The following DNER variants were observed in gnomAD, a reference collection of about 807,000 sequenced individuals.
DNER encodes delta/notch like EGF repeat containing.
In DNER, 33 loss-of-function variants were observed where a neutral mutation model predicts 78.2. That is an observed-to-expected ratio of 0.42 (90% CI 0.32 to 0.56). DNER has a LOEUF of 0.56. Among genes scored for constraint, DNER ranks in the 20% least tolerant of loss-of-function variants. The pLI, the probability that DNER is intolerant of heterozygous loss-of-function variation, is 0.11. For synonymous variants in DNER, 417 were observed against 384.8 expected (o/e 1.08, Z -0.98); for missense variants, 918 against 975.3 (o/e 0.94, Z 0.78).
At chr2:229,445,480 C>A (rs1474352800) in intron 8 of DNER, among the ~76,000 whole-genome samples, 1 of 152,210 alleles carries the variant, frequency 6.6e-6, no homozygotes, top group Non-Finnish European at 1.5e-5. Context: ...TTCTTAGATA[C>A]TCGCTCAAAC....
chr2:229,512,118 T>C (rs894670598), intron 6 of DNER, among the ~76,000 whole-genome samples: 7 of 152,170 alleles, frequency 4.6e-5, no homozygotes, highest in African/African-American at 1.7e-4. Context: ...CAAAGTGTCT[T>C]ATGCCTGTAA....
In DNER at chr2:229,480,847, C is replaced by T. The variant is rs143035296; in HGVS notation, c.1148-3594G>A. Among the ~76,000 whole-genome samples, 644 of 152,256 alleles carry T rather than the reference C, an allele frequency of 4.2e-3. 7 individuals carry two copies. Among genetic ancestry groups the T allele is most frequent in the Non-Finnish European group, 4.7e-3 (317 of 68,026 alleles). On this transcript the variant is annotated intron_variant, in intron 6 of 12. Coordinates refer to ENST00000341772, the MANE Select transcript of DNER (RefSeq NM_139072.4). ...GTCTTTATAGTAAAGATTTTGAAAA[C>T]ACAGGAAACATGGAACTATGGAGAA...
intron 9 of DNER, among the ~76,000 whole-genome samples, chr2:229,413,386 G>A (rs1368670842): frequency 8.1e-6 from 1 of 122,934 alleles, no homozygotes; most frequent in Admixed American, 1.1e-4. Flanking sequence ...GCAATGGCAC[G>A]ATCTCAGCTC....
intron 1 of DNER, among the ~76,000 whole-genome samples, chr2:229,650,087 A>G (rs946282811): frequency 3.3e-5 from 5 of 151,744 alleles, no homozygotes; most frequent in Non-Finnish European, 7.4e-5. Context: ...AAAAAAAAAA[A>G]AAAAAGAAAT....
intron 1 of DNER, among the ~76,000 whole-genome samples, chr2:229,690,272 G>C (rs1699547621): frequency 6.6e-6 from 1 of 152,166 alleles, no homozygotes; most frequent in Non-Finnish European, 1.5e-5. Context: ...ACCACTCATG[G>C]AGAGAGGCAG....
chr2:229,639,043 A>G (rs897952158), intron 1 of DNER, among the ~76,000 whole-genome samples: 3 of 152,268 alleles, frequency 2.0e-5, no homozygotes, highest in East Asian at 1.9e-4. Context: ...AGTTTTCTGA[A>G]TGGCAGTGTC....
chr2:229,675,832 G>A (rs919734362), intron 1 of DNER, among the ~76,000 whole-genome samples: 1 of 152,172 alleles, frequency 6.6e-6, no homozygotes, highest in African/African-American at 2.4e-5. Context: ...AGGCAAATGG[G>A]CCAGTGAGAA....
intron 5 of DNER, among the ~76,000 whole-genome samples, chr2:229,523,671 C>T (rs1469304003): frequency 6.6e-6 from 1 of 152,254 alleles, no homozygotes; most frequent in Non-Finnish European, 1.5e-5. Flanking sequence ...TCAAACCATA[C>T]TATTTCCCTT....
At chr2:229,364,443 A>C (rs549479774) in intron 12 of DNER, among the ~76,000 whole-genome samples, 2 of 152,236 alleles carry the variant, frequency 1.3e-5, no homozygotes, top group South Asian at 4.1e-4. Context: ...CAAATAAACA[A>C]TTAAGGTGGG....
chr2:229,661,512 G>T (rs1197770232), intron 1 of DNER, among the ~76,000 whole-genome samples: 1 of 152,148 alleles, frequency 6.6e-6, no homozygotes, highest in Non-Finnish European at 1.5e-5. Context: ...AAAGAAAGAT[G>T]ACCTAGATCA....
In DNER at chr2:229,550,776, A is replaced by AAAATAAAT. The variant is rs113610938; in HGVS notation, c.848-3692_848-3685dup. 3.9e-3 allele frequency among the ~76,000 whole-genome samples: 596 copies of AAAATAAAT among 152,176 alleles called. 10 individuals are homozygous for AAAATAAAT. Among genetic ancestry groups the AAAATAAAT allele is most frequent in the African/African-American group, 0.014 (562 of 41,486 alleles). On this transcript the variant is annotated intron_variant, in intron 4 of 12. Coordinates refer to ENST00000341772, the MANE Select transcript of DNER (RefSeq NM_139072.4). ...GCGACAGAGCGAGACTCTGTCTCAA[A>AAAATAAAT]AAATAAATAAATAAATAAATAAATA... is the stretch of plus-strand genomic sequence containing the variant.
chr2:229,488,402 T>C (rs1295274884), intron 6 of DNER, among the ~76,000 whole-genome samples: 1 of 152,218 alleles, frequency 6.6e-6, no homozygotes, highest in African/African-American at 2.4e-5. Flanking sequence ...TGTGTTTGTG[T>C]ATGTGTTATG....
At chr2:229,485,659 G>A (rs1023218678) in intron 6 of DNER, among the ~76,000 whole-genome samples, 1 of 151,982 alleles carries the variant, frequency 6.6e-6, no homozygotes, top group African/African-American at 2.4e-5. Context: ...AGAGGTCAAT[G>A]GTAAATTACA....
At chr2:229,668,524 G>A (rs13003714) in intron 1 of DNER, among the ~76,000 whole-genome samples, 76 of 48,808 alleles carry the variant, frequency 1.6e-3, no homozygotes, top group South Asian at 4.0e-3. Context: ...GTATGTGTGT[G>A]TGTGTGTGTG....
rs77082317 is a variant in DNER at position 229,513,084 on chromosome 2, T to C, written c.994-148A>G. ...TTATGTCATAATCTAGTTGAAATCA[T>C]CGCTTTAAGACAAACAGTAGTTTCT... On this transcript the variant is annotated intron_variant, in intron 5 of 12. Coordinates refer to ENST00000341772, the MANE Select transcript of DNER (RefSeq NM_139072.4). The C allele has an allele frequency of 6.5e-6, 6 of 923,026 alleles. No homozygotes were observed. The South Asian group carries it at 9.4e-5, about 15-fold the overall frequency. 57.2% of individuals were successfully genotyped at this position (923,026 alleles called of 1,614,324 possible). A position where few individuals can be genotyped will look rare whatever the true frequency, so the allele number is the denominator to read the frequency against.
rs181842770 is a variant in DNER at position 229,504,202 on chromosome 2, T to A, written c.1147+8581A>T. Among the ~76,000 whole-genome samples, 26 of 152,264 alleles carry A rather than the reference T, an allele frequency of 1.7e-4. No homozygotes were observed. In the East Asian group the frequency reaches 4.2e-3, roughly 25 times the overall value. ...CTCTTCATCTATACCCTTTGTAATA[T>A]CCTTTATTTACTTATTTATTTACTT... On this transcript the variant is annotated intron_variant, in intron 6 of 12. Coordinates refer to ENST00000341772, the MANE Select transcript of DNER (RefSeq NM_139072.4).
At chr2:229,493,698 T>A (rs184798486) in intron 6 of DNER, among the ~76,000 whole-genome samples, 41 of 152,362 alleles carry the variant, frequency 2.7e-4, no homozygotes, top group Non-Finnish European at 4.4e-4. Context: ...ATTGAGCACC[T>A]GCTTTGTGTC....
At chr2:229,423,683 G>T (rs746576950) in intron 8 of DNER, among the ~76,000 whole-genome samples, 13 of 150,210 alleles carry the variant, frequency 8.7e-5, no homozygotes, top group Non-Finnish European at 1.9e-4. Flanking sequence ...AGAGAAGATT[G>T]TACCAAGAAT....
chr2:229,611,788 C>G (rs1165769002), intron 1 of DNER, among the ~76,000 whole-genome samples: 1 of 152,204 alleles, frequency 6.6e-6, no homozygotes, highest in Non-Finnish European at 1.5e-5. Flanking sequence ...CTGGCTCCAC[C>G]AGCCCTTCCT....
Sources: allele counts gnomAD v4.1 joint callset (sites outside exome capture counted in the v4.1 genomes callset), GRCh38; gene constraint gnomAD v4.1.1; transcripts MANE v1.5; gene names NCBI Gene and HGNC (gene_info 2026-07-23, HGNC 2026-07-21).